ELFN1: variants seen among roughly 807,000 people sequenced by gnomAD.
ELFN1 encodes the protein extracellular leucine rich repeat and fibronectin type III domain containing 1.
ELFN1 carries 6 observed loss-of-function variants against 7.6 expected under a neutral mutation model. The ratio of observed to expected loss-of-function variants is 0.79; its 90% CI spans 0.43 to 1.56. The LOEUF (loss-of-function observed/expected upper bound fraction) is 1.56. Ranked by LOEUF, ELFN1 falls within the 40% of genes most tolerant of loss-of-function variation. The pLI, the probability that ELFN1 is intolerant of heterozygous loss-of-function variation, is 0.01. For missense variants in ELFN1, 1,169 were observed against 1,232.2 expected (o/e 0.95, Z 0.77); for synonymous variants, 657 against 588.1 (o/e 1.12, Z -1.70).
chr7:1,734,368 G>A (rs1314770396), intron 3 of ELFN1, among the ~76,000 whole-genome samples: 1 of 152,198 alleles, frequency 6.6e-6, no homozygotes, highest in Non-Finnish European at 1.5e-5. Context: ...CACACATCAT[G>A]TTTTTTAATT....
chr7:1,747,941 A>AG lies in ELFN1; in HGVS notation c.*858_*859insG, dbSNP rs1195281542. 8 of 166,404 alleles carry AG rather than the reference A, an allele frequency of 4.8e-5. No individual in the cohort carries two copies. Among genetic ancestry groups the AG allele is most frequent in the Non-Finnish European group, 7.3e-5 (5 of 68,100 alleles). The allele number at this position is 166,404 out of a possible 1,614,324, so 10.3% of individuals were successfully genotyped here. A position where few individuals can be genotyped will look rare whatever the true frequency, so the allele number is the denominator to read the frequency against. On this transcript the variant is annotated 3_prime_UTR_variant, in exon 4 of 4. Coordinates refer to ENST00000424383, the MANE Select transcript of ELFN1 (RefSeq NM_001128636.4). ...AAAAAAAATCTGCAAAGGAAAACAA[A>AG]TCAAATGCTTGTTTGTCCTGGGTTT...
chr7:1,741,286 C>G (rs1780606183), intron 3 of ELFN1, among the ~76,000 whole-genome samples: 1 of 152,220 alleles, frequency 6.6e-6, no homozygotes, highest in African/African-American at 2.4e-5. Context: ...CCCACACGCC[C>G]TAAAGATCTC....
upstream of ELFN1, among the ~76,000 whole-genome samples, chr7:1,669,482 T>C (rs1326002743): frequency 2.0e-5 from 3 of 152,084 alleles, no homozygotes; most frequent in Non-Finnish European, 4.4e-5. Context: ...CCGAGGCTCC[T>C]GCCGGGGGTC....
intron 2 of ELFN1, among the ~76,000 whole-genome samples, chr7:1,699,704 TCTC>T (rs1014740001): frequency 6.6e-6 from 1 of 152,122 alleles, no homozygotes; most frequent in Non-Finnish European, 1.5e-5. Context: ...ATTTAGTCAT[TCTC>T]CTACTTTTTT....
intron 3 of ELFN1, among the ~76,000 whole-genome samples, chr7:1,729,188 C>T (rs1780272090): frequency 6.6e-6 from 1 of 152,214 alleles, no homozygotes; most frequent in South Asian, 2.1e-4. Flanking sequence ...GAGCTTGGCC[C>T]CCTGTGGTGG....
chr7:1,746,281 T>C lies in ELFN1; in HGVS notation c.1685T>C (p.Val562Ala), dbSNP rs780598626. Residue 562 changes from valine to alanine, a missense_variant, in exon 4 of 4, where the codon GTG becomes GCG. Val to Ala is a moderately conservative substitution (Grantham distance 64). This residue lies in a region of ELFN1 where 914 missense variants were observed against 872.6 expected (regional missense o/e 1.05). Transcript: ENST00000424383. ...GAGATCTCCACCATCGCCAAGGAGG[T>C]GGACAAGGTCAACCAGATCATCAAC... ...VAEISTIAKEVDKVNQIINNC... is the reference protein window; with the variant it reads ...VAEISTIAKEADKVNQIINNC... 6.3e-7 allele frequency: 1 copy of C among 1,594,916 alleles called. No homozygotes were observed. The highest frequency in any genetic ancestry group is 1.3e-5 in the African/African-American group (1 of 74,216).
At chr7:1,666,464 G>C (rs1347349182), upstream of ELFN1, among the ~76,000 whole-genome samples, 1 of 152,006 alleles carries the variant, frequency 6.6e-6, no homozygotes, top group Non-Finnish European at 1.5e-5. This position sits in a 1 kb window ranked among gnomAD's most constrained non-coding sequence, Gnocchi z 7.9. Flanking sequence ...ACCCAGGTTC[G>C]GAGGCGGGCG....
intron 3 of ELFN1, among the ~76,000 whole-genome samples, chr7:1,734,956 A>G (rs1262432459): frequency 1.3e-5 from 2 of 151,908 alleles, no homozygotes; most frequent in Non-Finnish European, 2.9e-5. Flanking sequence ...CCGCCTCCCA[A>G]AGTGCTGGGA....
At chr7:1,709,926 G>A (rs1204814940) in intron 3 of ELFN1, among the ~76,000 whole-genome samples, 1 of 152,160 alleles carries the variant, frequency 6.6e-6, no homozygotes, top group African/African-American at 2.4e-5. Context: ...TCCTCTCTGG[G>A]CAACTGTACT....
In ELFN1 at chr7:1,689,409, C is replaced by A. The variant is rs1006299685; in HGVS notation, c.-456+1259C>A. On this transcript the variant is annotated intron_variant, in intron 2 of 3. Coordinates refer to ENST00000424383, the MANE Select transcript of ELFN1 (RefSeq NM_001128636.4). ...GAGGGGAACAAAAGATGAGGTGAGA[C>A]GCTGGGAGGAACACAGATTCCCGGC... Among the ~76,000 whole-genome samples the A allele has an allele frequency of 4.6e-5, 7 of 152,160 alleles. No individual in the cohort carries two copies. In the East Asian group the frequency reaches 1.3e-3, roughly 29 times the overall value.
chr7:1,747,334 A>ACACACC lies in ELFN1; in HGVS notation c.*252_*253insACACCC. The ACACACC allele has an allele frequency of 5.0e-6, 1 of 200,156 alleles. No homozygotes were observed. Among genetic ancestry groups the ACACACC allele is most frequent in the East Asian group, 1.1e-4 (1 of 9,206 alleles). The allele number at this position is 200,156 out of a possible 1,614,324, so 12.4% of individuals were successfully genotyped here. A position where few individuals can be genotyped will look rare whatever the true frequency, so the allele number is the denominator to read the frequency against. ...CACACACACACACACACACACACAC[A>ACACACC]CGAGGGACTTCGGAAAACTGTGTCT... On this transcript the variant is annotated 3_prime_UTR_variant, in exon 4 of 4. Transcript: ENST00000424383.
chr7:1,697,990 G>A (rs1562364784), intron 2 of ELFN1, among the ~76,000 whole-genome samples: 2 of 152,190 alleles, frequency 1.3e-5, no homozygotes, highest in Non-Finnish European at 2.9e-5. Context: ...GCCGGCGGGC[G>A]GGCGCTGACT....
intron 2 of ELFN1, among the ~76,000 whole-genome samples, chr7:1,697,060 C>T (rs1054365736): frequency 6.6e-6 from 1 of 152,218 alleles, no homozygotes; most frequent in African/African-American, 2.4e-5. Context: ...CCCTCACTGG[C>T]TTTGTGACCT....
chr7:1,670,082 C>G (rs1778732804), upstream of ELFN1, among the ~76,000 whole-genome samples: 3 of 149,368 alleles, frequency 2.0e-5, no homozygotes, highest in Non-Finnish European at 4.5e-5. This position sits in a 1 kb window ranked among gnomAD's most constrained non-coding sequence, Gnocchi z 6.4. Context: ...GGCTCCGAGC[C>G]GGACTCGCGG....
chr7:1,714,171 T>C (rs1277846281), intron 3 of ELFN1, among the ~76,000 whole-genome samples: 1 of 152,190 alleles, frequency 6.6e-6, no homozygotes, highest in African/African-American at 2.4e-5. Flanking sequence ...CCTACGCCTC[T>C]GAGGTTGCAT....
intron 3 of ELFN1, among the ~76,000 whole-genome samples, chr7:1,734,546 C>G (rs1447002312): frequency 1.3e-5 from 2 of 152,148 alleles, no homozygotes; most frequent in Admixed American, 6.5e-5. Context: ...CCTCCCCGCT[C>G]TGGTCGGGAG....
At chr7:1,701,875 A>G (rs1779434566) in intron 2 of ELFN1, among the ~76,000 whole-genome samples, 1 of 152,288 alleles carries the variant, frequency 6.6e-6, no homozygotes, top group Middle Eastern at 3.4e-3. Context: ...CAAAATGTAT[A>G]GTTCTTCTTT....
At position 1,746,031 on chromosome 7, in the gene ELFN1, G is replaced by C. The variant is rs536488472; in HGVS notation, c.1435G>C (p.Gly479Arg). The change falls in exon 4 of 4, where the codon GGC becomes CGC. Residue 479 changes from glycine to arginine, a missense_variant. Transcript: ENST00000424383. The stretch of plus-strand genomic sequence containing the variant: ...GTACGGGCCAGAGCTGGAGGCGCCC[G>C]GCCTGGCCCCGCTGTCCCAGGGCCC... ...LKYGPELEAPGLAPLSQGPLL... is the reference protein window; with the variant it reads ...LKYGPELEAPRLAPLSQGPLL... 1,259 of 1,545,674 alleles carry C rather than the reference G, an allele frequency of 8.1e-4. No individual in the cohort carries two copies. The highest frequency in any genetic ancestry group is 1.0e-3 in the Non-Finnish European group (1,177 of 1,144,188).
At chr7:1,730,583 G>A (rs1191898098) in intron 3 of ELFN1, among the ~76,000 whole-genome samples, 1 of 152,248 alleles carries the variant, frequency 6.6e-6, no homozygotes, top group African/African-American at 2.4e-5. Context: ...CAGCTGGAAT[G>A]CACATTCATA....
Sources: allele counts gnomAD v4.1 joint callset (sites outside exome capture counted in the v4.1 genomes callset), GRCh38; gene constraint gnomAD v4.1.1; regional missense constraint gnomAD v4.1.1; non-coding constraint Gnocchi (gnomAD v3.1); transcripts MANE v1.5; gene names NCBI Gene and HGNC (gene_info 2026-07-23, HGNC 2026-07-21).